Variants in ASIC2 observed in about 807,000 individuals in gnomAD.
ASIC2 encodes acid-sensing ion channel 2.
ASIC2 carries 25 observed loss-of-function variants against 57.3 expected under a neutral mutation model. That is an observed-to-expected ratio of 0.44 (90% CI 0.32 to 0.61). ASIC2 has a LOEUF of 0.61. Ranked by LOEUF, ASIC2 falls within the 20% of genes least tolerant of loss-of-function variation. The pLI is 0.06. For synonymous variants in ASIC2, 319 were observed against 307.5 expected (o/e 1.04, Z -0.39); for missense variants, 641 against 738.1 (o/e 0.87, Z 1.52).
intron 7 of ASIC2, 106 bp from the exon 8 acceptor site, chr17:33,017,790 G>C: frequency 9.7e-7 from 1 of 1,026,072 alleles, no homozygotes; most frequent in Non-Finnish European, 1.5e-6. Flanking sequence ...CCCCTCCATG[G>C]GGAGCCTGGG....
intron 1 of ASIC2, among the ~76,000 whole-genome samples, chr17:33,121,631 A>C (rs7213812): frequency 0.13 from 19,266 of 152,132 alleles, 1,248 homozygotes; most frequent in East Asian, 0.18. Context: ...CTATCTGCTC[A>C]TCATTCCAGC....
chr17:33,144,088 G>A (rs893952387), intron 1 of ASIC2, among the ~76,000 whole-genome samples: 1 of 151,950 alleles, frequency 6.6e-6, no homozygotes, highest in Non-Finnish European at 1.5e-5. Context: ...CCATGTGATT[G>A]GTCCGGGGTG....
chr17:33,846,841 C>G (rs1208627469), intron 1 of ASIC2, among the ~76,000 whole-genome samples: 1 of 152,044 alleles, frequency 6.6e-6, no homozygotes, highest in Non-Finnish European at 1.5e-5. Flanking sequence ...TCTCCTGCCT[C>G]AGCCTCCCGA....
At chr17:33,700,341 T>G (rs1302282348) in intron 1 of ASIC2, among the ~76,000 whole-genome samples, 1 of 152,244 alleles carries the variant, frequency 6.6e-6, no homozygotes, top group Non-Finnish European at 1.5e-5. Context: ...ATTTGGTATT[T>G]ACCTTTATTA....
chr17:34,085,054 G>A (rs1291610308), intron 1 of ASIC2, among the ~76,000 whole-genome samples: 2 of 152,106 alleles, frequency 1.3e-5, no homozygotes, highest in Non-Finnish European at 2.9e-5. Context: ...TAATTGCCGT[G>A]GCCAGAACTT....
intron 1 of ASIC2, among the ~76,000 whole-genome samples, chr17:33,761,388 CG>C (rs1415258711): frequency 6.6e-6 from 1 of 151,968 alleles, no homozygotes; most frequent in Non-Finnish European, 1.5e-5. Flanking sequence ...GTAGGGAATC[CG>C]GGGGCCCTCA....
chr17:34,105,351 GT>G (rs1461891432), intron 1 of ASIC2, among the ~76,000 whole-genome samples: 1 of 151,054 alleles, frequency 6.6e-6, no homozygotes, highest in African/African-American at 2.4e-5. Context: ...TCCTGTTTTT[GT>G]TTTTTGGTCT....
intron 3 of ASIC2, among the ~76,000 whole-genome samples, chr17:33,035,006 C>T (rs1206435981): frequency 6.6e-6 from 1 of 152,108 alleles, no homozygotes; most frequent in Non-Finnish European, 1.5e-5. Context: ...GTTCTATTCC[C>T]TTCCATTAGT....
intron 1 of ASIC2, among the ~76,000 whole-genome samples, chr17:33,494,968 G>T (rs183920021): frequency 2.6e-4 from 40 of 152,274 alleles, no homozygotes; most frequent in African/African-American, 7.2e-4. Flanking sequence ...TCTCTCAGAA[G>T]TTCCCAACTA....
chr17:33,636,199 A>G (rs1009134878), intron 1 of ASIC2, among the ~76,000 whole-genome samples: 2 of 152,266 alleles, frequency 1.3e-5, no homozygotes, highest in East Asian at 1.9e-4. Flanking sequence ...CAAATAAAAC[A>G]TACAGGGAAA....
At chr17:33,162,132 C>T (rs1291223085) in intron 1 of ASIC2, among the ~76,000 whole-genome samples, 3 of 152,144 alleles carry the variant, frequency 2.0e-5, no homozygotes, top group Non-Finnish European at 2.9e-5. Flanking sequence ...AAGCTAATCA[C>T]TGGGCATTCT....
At chr17:33,659,910 AT>A (rs1907201576) in intron 1 of ASIC2, among the ~76,000 whole-genome samples, 7 of 143,788 alleles carry the variant, frequency 4.9e-5, no homozygotes, top group South Asian at 2.1e-4. Flanking sequence ...AAATAAATAA[AT>A]AAATAAAATA....
chr17:33,805,662 T>C (rs1414215170), intron 1 of ASIC2, among the ~76,000 whole-genome samples: 1 of 152,222 alleles, frequency 6.6e-6, no homozygotes, highest in Non-Finnish European at 1.5e-5. Flanking sequence ...TTAAATATAC[T>C]CTGCCACCAA....
intron 1 of ASIC2, among the ~76,000 whole-genome samples, chr17:33,781,194 C>A (rs1249685979): frequency 6.6e-6 from 1 of 152,216 alleles, no homozygotes; most frequent in African/African-American, 2.4e-5. Context: ...AACAGCCACG[C>A]AGCTTAATCT....
intron 1 of ASIC2, among the ~76,000 whole-genome samples, chr17:33,215,839 A>G (rs577937937): frequency 1.3e-5 from 2 of 152,158 alleles, no homozygotes; most frequent in African/African-American, 4.8e-5. Flanking sequence ...AGCTGGGACT[A>G]CAGGCGCCCG....
intron 1 of ASIC2, among the ~76,000 whole-genome samples, chr17:34,142,592 T>A (rs1912301896): frequency 1.3e-5 from 2 of 152,198 alleles, no homozygotes; most frequent in South Asian, 4.1e-4. Flanking sequence ...AGTATATGAA[T>A]CAATAAATAG....
At chr17:33,931,664 T>A (rs577706802) in intron 1 of ASIC2, among the ~76,000 whole-genome samples, 33 of 152,278 alleles carry the variant, frequency 2.2e-4, no homozygotes, top group African/African-American at 7.2e-4. Flanking sequence ...ACTTGTTCTG[T>A]GTGTTGTCAA....
intron 1 of ASIC2, among the ~76,000 whole-genome samples, chr17:33,548,363 G>A (rs1915644217): frequency 6.6e-6 from 1 of 152,136 alleles, no homozygotes; most frequent in Non-Finnish European, 1.5e-5. Flanking sequence ...CCCCTTTATG[G>A]GCTAAAGATA....
intron 1 of ASIC2, among the ~76,000 whole-genome samples, chr17:33,289,705 G>A (rs1182400586): frequency 3.3e-5 from 5 of 152,154 alleles, no homozygotes; most frequent in Non-Finnish European, 7.3e-5. Context: ...ACTCATTAAC[G>A]CAGGGCTGCG....
Sources: allele counts gnomAD v4.1 joint callset (sites outside exome capture counted in the v4.1 genomes callset), GRCh38; gene constraint gnomAD v4.1.1; transcripts MANE v1.5; gene names NCBI Gene and HGNC (gene_info 2026-07-23, HGNC 2026-07-21).